The following ERCC8 variants were observed in gnomAD, a reference collection of about 807,000 sequenced individuals.
ERCC8 encodes DNA excision repair protein ERCC-8.
A neutral mutation model predicts 54.9 loss-of-function variants in ERCC8; 52 were observed. The ratio of observed to expected loss-of-function variants is 0.95; its 90% CI spans 0.76 to 1.19. The LOEUF (loss-of-function observed/expected upper bound fraction) is 1.19, where lower values mean the gene tolerates loss of function less well. ERCC8 is among the 50% of genes most tolerant of loss of function. The pLI, the probability that ERCC8 is intolerant of heterozygous loss-of-function variation, is 0.00. For synonymous variants in ERCC8, 146 were observed against 157.2 expected (o/e 0.93, Z 0.53); for missense variants, 514 against 466.1 (o/e 1.10, Z -0.95).
intron 11 of ERCC8, among the ~76,000 whole-genome samples, chr5:60,880,100 G>T (rs1286080541): frequency 6.6e-6 from 1 of 152,068 alleles, no homozygotes; most frequent in Non-Finnish European, 1.5e-5. Flanking sequence ...GTCTGTGAAG[G>T]ATTTTATTTC....
chr5:60,924,555 C>T (rs989013521), intron 2 of ERCC8: 1 of 154,382 alleles, frequency 6.5e-6, no homozygotes, highest in Admixed American at 6.6e-5. Flanking sequence ...AATATAAATC[C>T]CCCCCTCTTA....
At chr5:60,926,882 T>C (rs1430590501) in intron 2 of ERCC8, among the ~76,000 whole-genome samples, 1 of 152,254 alleles carries the variant, frequency 6.6e-6, no homozygotes, top group Non-Finnish European at 1.5e-5. Flanking sequence ...ATGTCAGATG[T>C]TTTGACTCTG....
In ERCC8 at chr5:60,867,606, A is replaced by G. The variant is rs1249556551; in HGVS notation, c.*7009T>C. Among the ~76,000 whole-genome samples, 1 of 152,234 alleles carries G rather than the reference A, an allele frequency of 6.6e-6. No homozygotes were observed. The highest frequency in any genetic ancestry group is 1.5e-5 in the Non-Finnish European group (1 of 68,030). On this transcript the variant is annotated 3_prime_UTR_variant, in exon 12 of 12. Transcript: ENST00000676185. ...CTCAGTTCTCAAAGACTTATTAGGA[A>G]TGTTCTTTGTTTTAGCATAAGTTTG...
chr5:60,924,365 T>C (rs1297866573), intron 2 of ERCC8: 4 of 153,770 alleles, frequency 2.6e-5, no homozygotes, highest in East Asian at 1.9e-4. Context: ...TCCTAAGGAA[T>C]GGCTAATGAG....
In ERCC8 at chr5:60,871,897, T is replaced by C. The variant is rs965986847; in HGVS notation, c.*2718A>G. 1.3e-5 allele frequency among the ~76,000 whole-genome samples: 2 copies of C among 152,144 alleles called. No homozygotes were observed. The highest frequency in any genetic ancestry group is 4.8e-5 in the African/African-American group (2 of 41,448). ...CTCAATGCAGCCGTGACTTTACAGG[T>C]TCAAGTGATTCCCCAGCCTGAGTCT... On this transcript the variant is annotated 3_prime_UTR_variant, in exon 12 of 12. Transcript: ENST00000676185.
intron 6 of ERCC8, among the ~76,000 whole-genome samples, chr5:60,902,988 T>C (rs1054834433): frequency 2.0e-5 from 3 of 151,968 alleles, no homozygotes; most frequent in Non-Finnish European, 2.9e-5. Flanking sequence ...TTTCAATATT[T>C]TAATTCACTT....
In ERCC8 at chr5:60,870,204, CA is replaced by C. The variant is rs1363724992; in HGVS notation, c.*4410del. On this transcript the variant is annotated 3_prime_UTR_variant, in exon 12 of 12. Coordinates refer to ENST00000676185, the MANE Select transcript of ERCC8 (RefSeq NM_000082.4). Reference sequence around the variant, plus strand: ...GGCCTGAATTAGTAACCTTGAATATCAAACACAAACTCTCAAAGTATAGGAC... The same window carrying C: ...GGCCTGAATTAGTAACCTTGAATATCAACACAAACTCTCAAAGTATAGGAC... Among the ~76,000 whole-genome samples the C allele has an allele frequency of 6.6e-6, 1 of 151,972 alleles. No homozygotes were observed. The highest frequency in any genetic ancestry group is 1.5e-5 in the Non-Finnish European group (1 of 67,996).
intron 11 of ERCC8, among the ~76,000 whole-genome samples, chr5:60,885,107 G>T (rs115607471): frequency 2.0e-5 from 3 of 151,872 alleles, no homozygotes; most frequent in African/African-American, 7.3e-5. Flanking sequence ...TGAACTCTTG[G>T]GCTCAGTGAT....
chr5:60,903,480 G>A (rs1748959187), intron 6 of ERCC8, 168 bp downstream of exon 6: 1 of 1,183,846 alleles, frequency 8.4e-7, no homozygotes, highest in African/African-American at 1.6e-5. Context: ...CAATGGTTCA[G>A]TTTTATAAGA....
At position 60,887,532 on chromosome 5, in the gene ERCC8, A is replaced by G; in HGVS notation, c.1042-12T>C. The stretch of plus-strand genomic sequence containing the variant: ...CCACTATAAAGTTCCTATAACATAG[A>G]AGGCAAAGATGATACTGTGGATCAA... On this transcript the variant is annotated splice_polypyrimidine_tract_variant and intron_variant, in intron 10 of 11. Transcript: ENST00000676185. 6.2e-7 allele frequency: 1 copy of G among 1,601,976 alleles called. No homozygotes were observed. Among genetic ancestry groups the G allele is most frequent in the Non-Finnish European group, 8.6e-7 (1 of 1,168,990 alleles).
chr5:60,880,874 C>T (rs1748194394), intron 11 of ERCC8, among the ~76,000 whole-genome samples: 1 of 152,202 alleles, frequency 6.6e-6, no homozygotes, highest in South Asian at 2.1e-4. Context: ...TCGTCAATGT[C>T]ATTCTCCATC....
chr5:60,885,640 G>A (rs1748371839), intron 11 of ERCC8, among the ~76,000 whole-genome samples: 1 of 152,094 alleles, frequency 6.6e-6, no homozygotes, highest in African/African-American at 2.4e-5. Context: ...AACCAAATTA[G>A]ACGTGATAAA....
At chr5:60,885,157 G>T (rs1748359707) in intron 11 of ERCC8, among the ~76,000 whole-genome samples, 1 of 151,944 alleles carries the variant, frequency 6.6e-6, no homozygotes, top group African/African-American at 2.4e-5. Flanking sequence ...AACTATAAGT[G>T]TAAAGCCACC....
At position 60,870,372 on chromosome 5, in the gene ERCC8, G is replaced by T. The variant is rs79416340; in HGVS notation, c.*4243C>A. On this transcript the variant is annotated 3_prime_UTR_variant, in exon 12 of 12. Coordinates refer to ENST00000676185, the MANE Select transcript of ERCC8 (RefSeq NM_000082.4). Reference sequence around the variant, plus strand: ...GAGAAGTCGAAGTCAGGCCCGGCACGGTGGCTCACGCCTGTAAATCCCAGC... The same window carrying T: ...GAGAAGTCGAAGTCAGGCCCGGCACTGTGGCTCACGCCTGTAAATCCCAGC... 6.6e-6 allele frequency among the ~76,000 whole-genome samples: 1 copy of T among 151,266 alleles called. No homozygotes were observed. The highest frequency in any genetic ancestry group is 2.1e-4 in the South Asian group (1 of 4,778).
At chr5:60,900,461 T>C (rs1348563136) in intron 7 of ERCC8, among the ~76,000 whole-genome samples, 1 of 152,018 alleles carries the variant, frequency 6.6e-6, no homozygotes, top group South Asian at 2.1e-4. Flanking sequence ...CTCAACAATA[T>C]TGTAACCCAG....
At chr5:60,930,578 C>CAAAG (rs1749879274) in intron 1 of ERCC8, among the ~76,000 whole-genome samples, 2 of 44,588 alleles carry the variant, frequency 4.5e-5, no homozygotes, top group East Asian at 1.5e-3. Flanking sequence ...CAAAAACAAA[C>CAAAG]TAAAAAATGA....
At chr5:60,924,905 C>T (rs1749702948) in intron 2 of ERCC8, among the ~76,000 whole-genome samples, 1 of 152,040 alleles carries the variant, frequency 6.6e-6, no homozygotes, top group Non-Finnish European at 1.5e-5. Context: ...TTTCTAATAA[C>T]TTAACATTAT....
Position 60,898,490 on chromosome 5 carries a change from A to G in ERCC8, c.719-90T>C, listed in dbSNP as rs1393706986. On this transcript the variant is annotated intron_variant, in intron 8 of 11. Coordinates refer to ENST00000676185, the MANE Select transcript of ERCC8 (RefSeq NM_000082.4). ...ATATAATTAAACATATTAAAGGACA[A>G]CTACTTGAGTTACTTAAAAAATGTA... is the stretch of plus-strand genomic sequence containing the variant. 21 of 1,450,852 alleles carry G rather than the reference A, an allele frequency of 1.4e-5. No individual in the cohort carries two copies. The South Asian group carries it at 2.5e-4, about 17-fold the overall frequency. The allele number at this position is 1,450,852 out of a possible 1,614,324, so 89.9% of individuals were successfully genotyped here. A position where few individuals can be genotyped will look rare whatever the true frequency, so the allele number is the denominator to read the frequency against.
At position 60,890,921 on chromosome 5, in the gene ERCC8, C is replaced by T. The variant is rs1031250600; in HGVS notation, c.1009G>A (p.Val337Ile). 2 of 1,613,416 alleles carry T rather than the reference C, an allele frequency of 1.2e-6. No homozygotes were observed. The highest frequency in any genetic ancestry group is 1.7e-6 in the Non-Finnish European group (2 of 1,179,702). The change falls in exon 10 of 12, where the codon GTT becomes ATT. Residue 337 changes from valine (V) to isoleucine (I), a missense_variant. Coordinates refer to ENST00000676185, the MANE Select transcript of ERCC8 (RefSeq NM_000082.4). ...ITMLKGHYKT[V>I]DCCVFQSNFQ... ...TTTGACTGAAATACACAGCAGTCAA[C>T]AGTTTTATAATGTCCCTTAAGCATA... is the stretch of plus-strand genomic sequence containing the variant.
Sources: gnomAD v4.1 joint callset for allele counts (sites outside exome capture counted in the v4.1 genomes callset) on GRCh38, gnomAD v4.1.1 for gene constraint, MANE v1.5 for transcripts, NCBI Gene and HGNC (gene_info 2026-07-23, HGNC 2026-07-21) for gene names.